The following PDE4D variants were observed in gnomAD, a reference collection of about 807,000 sequenced individuals.
PDE4D encodes 3',5'-cyclic-AMP phosphodiesterase 4D.
Under a neutral mutation model 87.4 loss-of-function variants are expected in PDE4D, and 24 were observed. That is an observed-to-expected ratio of 0.27 (90% CI 0.20 to 0.39). The LOEUF is 0.39. PDE4D is among the 10% of genes least tolerant of loss of function. The probability of loss-of-function intolerance (pLI) is 1.00; values close to 1 mark genes in which losing one functional copy is unlikely to be tolerated. For synonymous variants in PDE4D, 384 were observed against 383.2 expected (o/e 1.00, Z -0.02); for missense variants, 714 against 1,041.0 (o/e 0.69, Z 4.32).
intron 2 of PDE4D, among the ~76,000 whole-genome samples, chr5:59,209,748 A>C (rs1749670267): frequency 6.6e-6 from 1 of 152,142 alleles, no homozygotes; most frequent in Non-Finnish European, 1.5e-5. Flanking sequence ...TTTTTGTTGC[A>C]CATTGATTTC....
intron 1 of PDE4D, among the ~76,000 whole-genome samples, chr5:59,576,280 A>G (rs1481146548): frequency 6.6e-6 from 1 of 152,172 alleles, no homozygotes; most frequent in East Asian, 1.9e-4. Context: ...CTTAGTAAGT[A>G]GATAACAAGC....
chr5:60,449,071 GCACA>G (rs35440197), intron 1 of PDE4D, among the ~76,000 whole-genome samples: 1,673 of 95,064 alleles, frequency 0.018, 15 homozygotes, highest in Middle Eastern at 0.022. Context: ...AACTGCCCGC[GCACA>G]CACACACACA....
intron 2 of PDE4D, among the ~76,000 whole-genome samples, chr5:60,184,260 A>G (rs202108512): frequency 9.2e-5 from 14 of 152,012 alleles, no homozygotes; most frequent in Admixed American, 3.3e-4. Flanking sequence ...TTTTTTTTTC[A>G]GATCTCATGT....
chr5:58,990,756 C>T, intron 9 of PDE4D, 48 bp downstream of exon 9: 1 of 971,214 alleles, frequency 1.0e-6, no homozygotes. Flanking sequence ...ACAGACTGGA[C>T]ATTAAGTTCC....
intron 2 of PDE4D, among the ~76,000 whole-genome samples, chr5:60,039,768 C>G (rs992243279): frequency 6.6e-6 from 1 of 151,998 alleles, no homozygotes; most frequent in African/African-American, 2.4e-5. Flanking sequence ...TTCAAAGACC[C>G]ATAGATGTCC....
chr5:60,090,643 C>G (rs1229957027), intron 2 of PDE4D, among the ~76,000 whole-genome samples: 4 of 152,140 alleles, frequency 2.6e-5, no homozygotes, highest in African/African-American at 9.7e-5. Flanking sequence ...ACTTTTACCA[C>G]TGTTATTCAA....
chr5:59,719,511 C>T (rs529126215), intron 1 of PDE4D, among the ~76,000 whole-genome samples: 9 of 152,228 alleles, frequency 5.9e-5, no homozygotes, highest in Non-Finnish European at 1.2e-4. Context: ...AATGCCTGTG[C>T]TTTCCAACCA....
chr5:59,059,879 T>C (rs186125423), intron 5 of PDE4D, among the ~76,000 whole-genome samples: 1 of 152,304 alleles, frequency 6.6e-6, no homozygotes, highest in East Asian at 1.9e-4. Flanking sequence ...CAGAGACTGC[T>C]AAATGTCCCC....
intron 2 of PDE4D, among the ~76,000 whole-genome samples, chr5:60,105,831 C>T (rs1039136921): frequency 3.3e-5 from 5 of 152,096 alleles, no homozygotes; most frequent in African/African-American, 1.2e-4. Context: ...TTGTCACCAC[C>T]AGGCCTAAAA....
intron 1 of PDE4D, among the ~76,000 whole-genome samples, chr5:59,807,600 A>G (rs1767883904): frequency 6.6e-6 from 1 of 152,138 alleles, no homozygotes; most frequent in Non-Finnish European, 1.5e-5. Flanking sequence ...AGGGATTGGA[A>G]TTGCTGAATT....
At chr5:59,569,570 A>G (rs577321093) in intron 1 of PDE4D, among the ~76,000 whole-genome samples, 2 of 152,304 alleles carry the variant, frequency 1.3e-5, no homozygotes, top group African/African-American at 2.4e-5. Flanking sequence ...ACCTGGACCA[A>G]TGCAGGCCAT....
At chr5:59,276,382 A>G (rs1764833205) in intron 1 of PDE4D, among the ~76,000 whole-genome samples, 1 of 152,160 alleles carries the variant, frequency 6.6e-6, no homozygotes, top group African/African-American at 2.4e-5. Context: ...ACCATAATAA[A>G]CAAATGAATT....
In PDE4D at chr5:60,009,544, G is replaced by A. The variant is rs539171009; in HGVS notation, c.43-20827C>T. ...CAAGTGAGCTATATAGAATGTTAGCGTCATGTGTTTAGGATATAAAAAGCA... is the reference window on the plus strand; with the variant it reads ...CAAGTGAGCTATATAGAATGTTAGCATCATGTGTTTAGGATATAAAAAGCA... On this transcript the variant is annotated intron_variant, in intron 2 of 16. Transcript: ENST00000502484. Among the ~76,000 whole-genome samples the A allele has an allele frequency of 1.9e-4, 29 of 151,930 alleles. No individual in the cohort carries two copies. The South Asian group carries it at 2.1e-3, about 11-fold the overall frequency.
At chr5:60,404,610 T>C (rs1484456183) in intron 1 of PDE4D, among the ~76,000 whole-genome samples, 1 of 152,156 alleles carries the variant, frequency 6.6e-6, no homozygotes, top group African/African-American at 2.4e-5. Flanking sequence ...GAACAGGATA[T>C]TTTATTTTCT....
At chr5:60,334,526 C>A (rs1583451855) in intron 1 of PDE4D, among the ~76,000 whole-genome samples, 2 of 152,174 alleles carry the variant, frequency 1.3e-5, no homozygotes, top group East Asian at 3.8e-4. Flanking sequence ...ATCTCCTGCT[C>A]TGACTTCATG....
chr5:59,881,475 T>C (rs1449478986), intron 1 of PDE4D, among the ~76,000 whole-genome samples: 3 of 152,202 alleles, frequency 2.0e-5, no homozygotes, highest in Middle Eastern at 3.2e-3. Flanking sequence ...CCAGAGGTGA[T>C]ATTTGCATTT....
At chr5:60,000,387 C>T (rs1763913745) in intron 2 of PDE4D, among the ~76,000 whole-genome samples, 1 of 152,128 alleles carries the variant, frequency 6.6e-6, no homozygotes, top group Admixed American at 6.6e-5. Flanking sequence ...TAGCAGATTT[C>T]TCAGGAGAAA....
chr5:58,996,437 A>AC (rs1749247257), intron 6 of PDE4D, among the ~76,000 whole-genome samples: 1 of 152,232 alleles, frequency 6.6e-6, no homozygotes, highest in South Asian at 2.1e-4. Flanking sequence ...TTATGAGCTA[A>AC]AAGTTGCTAT....
intron 1 of PDE4D, among the ~76,000 whole-genome samples, chr5:59,366,387 A>C (rs1376399840): frequency 2.0e-5 from 3 of 152,208 alleles, no homozygotes; most frequent in Non-Finnish European, 4.4e-5. Context: ...ATTCAGGATA[A>C]AAAGTAAATC....
Sources: allele counts gnomAD v4.1 joint callset (sites outside exome capture counted in the v4.1 genomes callset), GRCh38; gene constraint gnomAD v4.1.1; transcripts MANE v1.5; gene names NCBI Gene and HGNC (gene_info 2026-07-23, HGNC 2026-07-21).